COQ2: variants seen among roughly 807,000 people sequenced by gnomAD.
COQ2 encodes the protein 4-hydroxybenzoate polyprenyltransferase, mitochondrial.
COQ2 carries 25 observed loss-of-function variants against 35.7 expected under a neutral mutation model. That is an observed-to-expected ratio of 0.70 (90% CI 0.51 to 0.98). The LOEUF is 0.98. Among genes scored for constraint, COQ2 ranks in the 50% least tolerant of loss-of-function variants. The probability of loss-of-function intolerance (pLI) is 0.00; values close to 1 mark genes in which losing one functional copy is unlikely to be tolerated. For synonymous variants in COQ2, 206 were observed against 186.2 expected (o/e 1.11, Z -0.86); for missense variants, 488 against 473.5 (o/e 1.03, Z -0.28).
upstream of COQ2, chr4:83,284,813 G>T: frequency 6.4e-7 from 1 of 1,567,870 alleles, no homozygotes. Flanking sequence ...TTCCCCGGCA[G>T]GCATGCGCAG....
rs767951596 is a variant in COQ2 at position 83,272,109 on chromosome 4, T to C, written c.606A>G (p.Ser202=). 1.9e-6 allele frequency: 3 copies of C among 1,609,862 alleles called. No individual in the cohort carries two copies. Among genetic ancestry groups the C allele is most frequent in the Non-Finnish European group, 2.5e-6 (3 of 1,177,808 alleles). Residue 202 remains serine (S), a synonymous_variant, in exon 4 of 7, where the codon TCA becomes TCG. Coordinates refer to ENST00000647002, the MANE Select transcript of COQ2 (RefSeq NM_001358921.2). The stretch of plus-strand genomic sequence containing the variant: ...CACCCAAGGCTAGTTGAGGCCAGTA[T>C]GAAATTCTTTTCATTAGTGGGTAGG... ...VITYPLMKRI[S]YWPQLALGLT...
At chr4:83,274,551 C>A (rs1735124162) in intron 2 of COQ2, among the ~76,000 whole-genome samples, 1 of 151,990 alleles carries the variant, frequency 6.6e-6, no homozygotes, top group Non-Finnish European at 1.5e-5. Context: ...TGTGCAAATT[C>A]AATTTTTCCT....
At chr4:83,272,422 A>G (rs968786553) in intron 3 of COQ2, among the ~76,000 whole-genome samples, 1 of 152,248 alleles carries the variant, frequency 6.6e-6, no homozygotes, top group African/African-American at 2.4e-5. Context: ...TGTATTAAGC[A>G]CTATTCTAAG....
intron 6 of COQ2, 71 bp downstream of exon 6, chr4:83,267,515 G>A (rs1240993162): frequency 6.6e-6 from 9 of 1,355,946 alleles, no homozygotes; most frequent in Non-Finnish European, 9.0e-6. Flanking sequence ...AACACAGAGG[G>A]CATACTGTTT....
chr4:83,265,407 T>C (rs548164950), intron 6 of COQ2, among the ~76,000 whole-genome samples: 4 of 152,024 alleles, frequency 2.6e-5, no homozygotes, highest in Admixed American at 6.5e-5. Flanking sequence ...CCGTCTCTAC[T>C]AAAAAAATAC....
intron 1 of COQ2, chr4:83,282,540 A>G: frequency 2.4e-6 from 2 of 839,640 alleles, no homozygotes; most frequent in South Asian, 1.1e-4. Context: ...CACCTTATTT[A>G]GAACCAAACC....
chr4:83,283,911 C>T (rs971218224), intron 1 of COQ2: 101 of 985,320 alleles, frequency 1.0e-4, no homozygotes, highest in Non-Finnish European at 1.2e-4. Context: ...GACAGGCAGT[C>T]CGTAAGCGCT....
chr4:83,273,695 C>T, intron 2 of COQ2, 78 bp from the exon 3 acceptor site: 6 of 1,380,320 alleles, frequency 4.3e-6, no homozygotes, highest in Non-Finnish European at 5.0e-6. Flanking sequence ...AAGAGACTGG[C>T]CCATGGTAGG....
chr4:83,272,216 C>A (rs1185173476), intron 3 of COQ2, 44 bp from the exon 4 acceptor site: 2 of 1,176,710 alleles, frequency 1.7e-6, no homozygotes, highest in Admixed American at 4.4e-5. Flanking sequence ...ACCACTACCT[C>A]TTAGAAACCA....
Position 83,264,352 on chromosome 4 carries a change from T to C in COQ2, c.963A>G (p.Leu321=). 8 of 1,608,502 alleles carry C rather than the reference T, an allele frequency of 5.0e-6. No homozygotes were observed. Among genetic ancestry groups the C allele is most frequent in the Non-Finnish European group, 6.8e-6 (8 of 1,178,146 alleles). Residue 321 remains leucine, a synonymous_variant, in exon 7 of 7, where the codon CTA becomes CTG. Transcript: ENST00000647002. ...GAHLTHQIYT[L]DIHRPEDCWN... is the part of the protein sequence containing the mutation. Reference sequence around the variant, plus strand: ...AACAATCCTCAGGTCTGTGGATGTCTAGAGTGTAAATCTGCAAGAGAGGAA... The same window carrying C: ...AACAATCCTCAGGTCTGTGGATGTCCAGAGTGTAAATCTGCAAGAGAGGAA...
chr4:83,277,910 G>A (rs1438951472), intron 2 of COQ2, among the ~76,000 whole-genome samples: 3 of 151,740 alleles, frequency 2.0e-5, no homozygotes, highest in South Asian at 2.1e-4. Context: ...CGGAGGTTGC[G>A]GTGAGCTGAG....
Position 83,269,742 on chromosome 4 carries a change from G to T in COQ2, c.762+118C>A, listed in dbSNP as rs566904737. On this transcript the variant is annotated intron_variant, in intron 5 of 6. Transcript: ENST00000647002. ...AAAAAAAATTCTTCCTCCTTAATTT[G>T]GTTCTTAAAGTTCTTAAAAAACAAC... 116 of 907,508 alleles carry T rather than the reference G, an allele frequency of 1.3e-4. No individual in the cohort carries two copies. In the Middle Eastern group the frequency reaches 1.5e-3, roughly 12 times the overall value. The allele number at this position is 907,508 out of a possible 1,614,324, so 56.2% of individuals were successfully genotyped here.
In COQ2 at chr4:83,284,784, C is replaced by G. The variant is rs1337199654; in HGVS notation, c.-20G>C. On this transcript the variant is annotated 5_prime_UTR_variant, in exon 1 of 7. Coordinates refer to ENST00000647002, the MANE Select transcript of COQ2 (RefSeq NM_001358921.2). Reference sequence around the variant, plus strand: ...CAGCATGGCGCTGGTGAGGCCGGGACGAGCTCGGATTGACGTCATTCCCCG... The same window carrying G: ...CAGCATGGCGCTGGTGAGGCCGGGAGGAGCTCGGATTGACGTCATTCCCCG... The G allele has an allele frequency of 1.3e-6, 2 of 1,565,042 alleles. No homozygotes were observed. The highest frequency in any genetic ancestry group is 1.7e-6 in the Non-Finnish European group (2 of 1,162,696).
rs1734949716 is a variant in COQ2 at position 83,267,580 on chromosome 4, T to C, written c.951+6A>G. 6 of 1,545,516 alleles carry C rather than the reference T, an allele frequency of 3.9e-6. No individual in the cohort carries two copies. The highest frequency in any genetic ancestry group is 3.5e-6 in the Non-Finnish European group (4 of 1,153,526). ...ATATGAGGGACAAATAAGAAAAAGG[T>C]CAAACCTGGTGAGTCAGATGGGCTC... On this transcript the variant is annotated splice_donor_region_variant and intron_variant, in intron 6 of 6. Transcript: ENST00000647002.
Position 83,267,628 on chromosome 4 carries a change from G to C in COQ2, c.909C>G (p.Tyr303Ter). The C allele has an allele frequency of 6.3e-7, 1 of 1,585,510 alleles. No homozygotes were observed. Among genetic ancestry groups the C allele is most frequent in the Non-Finnish European group, 8.6e-7 (1 of 1,165,956 alleles). Residue 303 changes from tyrosine to a stop codon, truncating the protein, a stop_gained, in exon 6 of 7, where the codon TAC (tyrosine) becomes TAG (stop). Transcript: ENST00000647002. LOFTEE classifies it high-confidence loss of function. ...CTCCTACAGCACCCAGGGCAGCGTA[G>C]TAGGGAGCAGTCTGTCCACTGTTCA... ...VGVNSGQTAP[Y>*]YAALGAVGAH...
Position 83,279,049 on chromosome 4 carries a change from G to A in COQ2, c.319C>T (p.Pro107Ser), listed in dbSNP as rs1462568548. Residue 107 changes from proline (P) to serine (S), a missense_variant, in exon 2 of 7, where the codon CCA becomes TCA. Physicochemically the swap from Pro to Ser is moderately conservative, Grantham distance 74. Coordinates refer to ENST00000647002, the MANE Select transcript of COQ2 (RefSeq NM_001358921.2). ...IGLAAEPGCF[P>S]DWYMLSLFGT... ...AAGAGGGAGAGCATGTACCAATCTG[G>A]AAAACAACCTGGTTCAGCTGCCAAA... is the stretch of plus-strand genomic sequence containing the variant. 3.1e-6 allele frequency: 5 copies of A among 1,600,258 alleles called. No individual in the cohort carries two copies. In the East Asian group the frequency reaches 1.1e-4, roughly 36 times the overall value.
At position 83,269,697 on chromosome 4, in the gene COQ2, G is replaced by A. The variant is rs554879230; in HGVS notation, c.762+163C>T. ...AATTTTGTTGGAGCCATGGAACTGT[G>A]AATGACTTTCTTTTTAGAAAAAAAA... On this transcript the variant is annotated intron_variant, in intron 5 of 6. Transcript: ENST00000647002. Among the ~76,000 whole-genome samples the A allele has an allele frequency of 1.4e-4, 22 of 152,084 alleles. 1 individual carries two copies. The South Asian group carries it at 3.9e-3, about 27-fold the overall frequency.
intron 5 of COQ2, among the ~76,000 whole-genome samples, chr4:83,268,368 C>T (rs1472391972): frequency 6.6e-6 from 1 of 152,160 alleles, no homozygotes; most frequent in Non-Finnish European, 1.5e-5. Flanking sequence ...TGGTTTCTCC[C>T]AGCAAGTTTA....
At chr4:83,271,941 C>T (rs1376531679) in intron 4 of COQ2, 146 bp downstream of exon 4, 2 of 555,422 alleles carry the variant, frequency 3.6e-6, no homozygotes, top group Non-Finnish European at 6.4e-6. Flanking sequence ...TAGCTAACTG[C>T]TCTCCTTTAA....
Sources: allele counts gnomAD v4.1 joint callset (sites outside exome capture counted in the v4.1 genomes callset), GRCh38; gene constraint gnomAD v4.1.1; transcripts MANE v1.5; gene names NCBI Gene and HGNC (gene_info 2026-07-23, HGNC 2026-07-21).